USP49: variants seen among roughly 807,000 people sequenced by gnomAD.
USP49 encodes ubiquitin specific peptidase 49, also known as ubiquitin carboxyl-terminal hydrolase 49.
A neutral mutation model predicts 58.6 loss-of-function variants in USP49; 24 were observed. That is an observed-to-expected ratio of 0.41 (90% CI 0.30 to 0.58). USP49 has a LOEUF of 0.58. USP49 is among the 20% of genes least tolerant of loss of function. The probability of loss-of-function intolerance (pLI) is 0.30; values close to 1 mark genes in which losing one functional copy is unlikely to be tolerated. For missense variants in USP49, 703 were observed against 866.1 expected (o/e 0.81, Z 2.36); for synonymous variants, 408 against 365.1 (o/e 1.12, Z -1.34).
chr6:41,854,689 C>T (rs1159765641), intron 3 of USP49, among the ~76,000 whole-genome samples: 1 of 152,128 alleles, frequency 6.6e-6, no homozygotes, highest in African/African-American at 2.4e-5. Context: ...AGTGTACACA[C>T]ACGTGTGCAT....
chr6:41,816,828 C>T (rs1027965811), intron 3 of USP49, among the ~76,000 whole-genome samples: 4 of 151,688 alleles, frequency 2.6e-5, no homozygotes, highest in Non-Finnish European at 5.9e-5. Context: ...AGTGATCCTC[C>T]CAAGTAGCTG....
chr6:41,851,669 C>G (rs2265139), intron 3 of USP49, among the ~76,000 whole-genome samples: 116,349 of 152,096 alleles, frequency 0.76, 45,361 homozygotes, highest in African/African-American at 0.94. Context: ...AGTAAATTTA[C>G]CTGGGCTGGG....
At chr6:41,846,952 T>A (rs76542757) in intron 3 of USP49, among the ~76,000 whole-genome samples, 2,562 of 152,258 alleles carry the variant, frequency 0.017, 56 homozygotes, top group African/African-American at 0.051. Flanking sequence ...ATGTTAGCAC[T>A]GAAGTTCCAT....
intron 3 of USP49, among the ~76,000 whole-genome samples, chr6:41,827,431 G>A (rs763858035): frequency 2.3e-4 from 35 of 152,044 alleles, no homozygotes; most frequent in African/African-American, 7.0e-4. Context: ...AGGCCGAGGC[G>A]GATGGATCAC....
intron 3 of USP49, among the ~76,000 whole-genome samples, chr6:41,862,452 G>C (rs1307927115): frequency 6.6e-6 from 1 of 152,216 alleles, no homozygotes; most frequent in African/African-American, 2.4e-5. Flanking sequence ...TATGTGAACT[G>C]TCAATTCATG....
At chr6:41,867,331 A>G (rs1774335599) in intron 3 of USP49, among the ~76,000 whole-genome samples, 2 of 152,222 alleles carry the variant, frequency 1.3e-5, no homozygotes, top group Non-Finnish European at 2.9e-5. Context: ...AGGATGAAAG[A>G]GCAATTTCCA....
At position 41,793,775 on chromosome 6, in the gene USP49, C is replaced by G. The variant is rs970778017; in HGVS notation, c.*2758G>C. On this transcript the variant is annotated 3_prime_UTR_variant, in exon 8 of 8. Transcript: ENST00000682992. Reference sequence around the variant, plus strand: ...GGCTAGATTGAGGTAAAAAAAAATCCTTTTTGAGGGCCTAGGTGCACTCAT... The same window carrying G: ...GGCTAGATTGAGGTAAAAAAAAATCGTTTTTGAGGGCCTAGGTGCACTCAT... 3.3e-5 allele frequency: 5 copies of G among 152,124 alleles called. No homozygotes were observed. The highest frequency in any genetic ancestry group is 1.2e-4 in the African/African-American group (5 of 41,422). The allele number at this position is 152,124 out of a possible 1,614,324, so 9.4% of individuals were successfully genotyped here.
chr6:41,796,186 T>C lies in USP49; in HGVS notation c.*347A>G, dbSNP rs1772882638. The C allele has an allele frequency of 1.9e-5, 4 of 206,430 alleles. No homozygotes were observed. The Admixed American group carries it at 2.1e-4, about 11-fold the overall frequency. The allele number at this position is 206,430 out of a possible 1,614,324, so 12.8% of individuals were successfully genotyped here. A position where few individuals can be genotyped will look rare whatever the true frequency, so the allele number is the denominator to read the frequency against. On this transcript the variant is annotated 3_prime_UTR_variant, in exon 8 of 8. Coordinates refer to ENST00000682992, the MANE Select transcript of USP49 (RefSeq NM_001286554.2). ...AAGGAGGTCCTGATTAGCAGGGGAA[T>C]CACATCATGGAGAGAAAACATGGCT...
intron 3 of USP49, among the ~76,000 whole-genome samples, chr6:41,853,171 A>T (rs1227317800): frequency 1.3e-5 from 2 of 152,154 alleles, no homozygotes; most frequent in Non-Finnish European, 2.9e-5. Flanking sequence ...GGGCAACAAG[A>T]GCGAAACTCC....
chr6:41,867,148 A>T (rs780408076), intron 3 of USP49, among the ~76,000 whole-genome samples: 2 of 152,194 alleles, frequency 1.3e-5, no homozygotes, highest in African/African-American at 4.8e-5. Context: ...CAGACCCCAA[A>T]ACAAAAACCA....
At chr6:41,879,942 A>G (rs1430963138) in intron 2 of USP49, among the ~76,000 whole-genome samples, 2 of 152,184 alleles carry the variant, frequency 1.3e-5, no homozygotes, top group East Asian at 3.9e-4. Context: ...TTCGTGGCTC[A>G]CTCCTGAATA....
intron 3 of USP49, among the ~76,000 whole-genome samples, chr6:41,836,626 T>G (rs1019791531): frequency 6.6e-6 from 1 of 152,082 alleles, no homozygotes; most frequent in Admixed American, 6.6e-5. Context: ...TTGGACAAGG[T>G]AGCATAAGAA....
In USP49 at chr6:41,793,527, G is replaced by A; in HGVS notation, c.*3006C>T. The A allele has an allele frequency of 6.5e-6, 1 of 152,926 alleles. No individual in the cohort carries two copies. The highest frequency in any genetic ancestry group is 1.5e-5 in the Non-Finnish European group (1 of 68,620). The allele number at this position is 152,926 out of a possible 1,614,324, so 9.5% of individuals were successfully genotyped here. On this transcript the variant is annotated 3_prime_UTR_variant, in exon 8 of 8. Transcript: ENST00000682992. ...GCCCTCCTCGGCCTCCCAAAGTGCT[G>A]GGATTACAGGCATGAGCCACCGCGC...
At chr6:41,849,882 G>A (rs1041375075) in intron 3 of USP49, among the ~76,000 whole-genome samples, 4 of 152,038 alleles carry the variant, frequency 2.6e-5, no homozygotes, top group Non-Finnish European at 5.9e-5. Context: ...TGGGATTACA[G>A]GCATGAGCCA....
chr6:41,806,835 A>G lies in USP49; in HGVS notation c.149T>C (p.Ile50Thr). The G allele has an allele frequency of 3.1e-6, 5 of 1,614,042 alleles. No individual in the cohort carries two copies. Among genetic ancestry groups the G allele is most frequent in the Non-Finnish European group, 4.2e-6 (5 of 1,179,992 alleles). Residue 50 changes from isoleucine to threonine, a missense_variant, in exon 4 of 8, where the codon ATT becomes ACT. Ile to Thr is a moderately conservative substitution (Grantham distance 89, BLOSUM62 -1). Around this residue, in one of 6 missense-constraint regions of USP49, gnomAD observed 376 missense variants for 373.5 expected, o/e 1.01. Coordinates refer to ENST00000682992, the MANE Select transcript of USP49 (RefSeq NM_001286554.2). The surrounding 1 kb of genome is among the most constrained non-coding windows in gnomAD (Gnocchi z 5.9). The stretch of plus-strand genomic sequence containing the variant: ...AAAGTGTTTCAGGGCGTGGTCCTCA[A>G]TATAGCGGCCGCAGGCCACGTGGGA... ...KCSHVACGRYIEDHALKHFEE... is the reference protein window; with the variant it reads ...KCSHVACGRYTEDHALKHFEE...
At chr6:41,796,951 T>A (rs2127315767) in intron 7 of USP49, among the ~76,000 whole-genome samples, 1 of 147,384 alleles carries the variant, frequency 6.8e-6, no homozygotes, top group African/African-American at 2.5e-5. Flanking sequence ...TGCAATTTTT[T>A]TTTTTTTTTT....
At chr6:41,812,976 TTGA>T (rs1773285378) in intron 3 of USP49, among the ~76,000 whole-genome samples, 1 of 152,220 alleles carries the variant, frequency 6.6e-6, no homozygotes, top group African/African-American at 2.4e-5. Context: ...CACATTATTA[TTGA>T]TAATATTCTC....
intron 4 of USP49, 33 bp downstream of exon 4, chr6:41,805,595 A>C: frequency 6.3e-7 from 1 of 1,583,238 alleles, no homozygotes; most frequent in Non-Finnish European, 8.6e-7. Flanking sequence ...CTAACATACA[A>C]GCCTCTCATT....
intron 3 of USP49, among the ~76,000 whole-genome samples, chr6:41,840,833 T>G (rs1363492595): frequency 2.0e-5 from 3 of 152,086 alleles, no homozygotes; most frequent in African/African-American, 4.8e-5. Flanking sequence ...TTAAATAAAA[T>G]TCTGCTACTA....
Sources: gnomAD v4.1 joint callset for allele counts (sites outside exome capture counted in the v4.1 genomes callset) on GRCh38, gnomAD v4.1.1 for gene constraint, gnomAD v4.1.1 regional missense constraint, Gnocchi (gnomAD v3.1) non-coding constraint, MANE v1.5 for transcripts, NCBI Gene and HGNC (gene_info 2026-07-23, HGNC 2026-07-21) for gene names.